Variants in DCAF7 observed in about 807,000 individuals in gnomAD.
DCAF7 encodes DDB1- and CUL4-associated factor 7.
DCAF7 carries 4 observed loss-of-function variants against 41.2 expected under a neutral mutation model. The observed-to-expected ratio is 0.10, with a 90% confidence interval of 0.05 to 0.22. The LOEUF is 0.22. Among genes scored for constraint, DCAF7 ranks in the 10% least tolerant of loss-of-function variants. The pLI is 1.00. For missense variants in DCAF7, 131 were observed against 443.2 expected (o/e 0.30, Z 6.32); for synonymous variants, 143 against 164.2 (o/e 0.87, Z 0.99).
intron 1 of DCAF7, among the ~76,000 whole-genome samples, chr17:63,570,461 GAAAA>G (rs984761593): frequency 2.7e-5 from 4 of 150,312 alleles, no homozygotes; most frequent in African/African-American, 7.3e-5. Flanking sequence ...CAAAAAAAAA[GAAAA>G]AAAAAGATAG....
intron 1 of DCAF7, among the ~76,000 whole-genome samples, chr17:63,559,154 A>G (rs1315425995): frequency 1.3e-5 from 2 of 151,250 alleles, no homozygotes; most frequent in African/African-American, 4.9e-5. Flanking sequence ...TACTAAAAAT[A>G]CGAAAAATTA....
rs2033245607 is a variant in DCAF7, at chr17:63,550,948, G to A, written c.138+133G>A. ...GGCCACGGAGCGGTTCCTCTGTCTG[G>A]CCCTGTGCTGAAGGTTTCGTACTCG... is the stretch of plus-strand genomic sequence containing the variant. On this transcript the variant is annotated intron_variant, in intron 1 of 6. Coordinates refer to ENST00000614556, the MANE Select transcript of DCAF7 (RefSeq NM_005828.5). The surrounding 1 kb of genome is among the most constrained non-coding windows in gnomAD (Gnocchi z 4.8). 6 of 1,381,676 alleles carry A rather than the reference G, an allele frequency of 4.3e-6. No homozygotes were observed. The highest frequency in any genetic ancestry group is 2.7e-5 in the Admixed American group (1 of 37,294). 85.6% of individuals were successfully genotyped at this position (1,381,676 alleles called of 1,614,324 possible). A position where few individuals can be genotyped will look rare whatever the true frequency, so the allele number is the denominator to read the frequency against.
chr17:63,587,039 T>C (rs2033684807), intron 6 of DCAF7, among the ~76,000 whole-genome samples: 1 of 152,216 alleles, frequency 6.6e-6, no homozygotes, highest in Non-Finnish European at 1.5e-5. Flanking sequence ...TTTGCACTGA[T>C]AGGATTCTGT....
chr17:63,582,551 C>G (rs924076799), intron 4 of DCAF7, among the ~76,000 whole-genome samples: 4 of 151,738 alleles, frequency 2.6e-5, no homozygotes, highest in Admixed American at 6.6e-5. Context: ...TCACTGTAAT[C>G]TCCGCCTCCC....
intron 1 of DCAF7, among the ~76,000 whole-genome samples, chr17:63,561,907 A>G (rs978749345): frequency 1.2e-4 from 18 of 151,118 alleles, no homozygotes; most frequent in Admixed American, 4.0e-4. Flanking sequence ...AAGCTCAGCT[A>G]TGTGCTAAGT....
Sources: allele counts gnomAD v4.1 joint callset (sites outside exome capture counted in the v4.1 genomes callset), GRCh38; gene constraint gnomAD v4.1.1; non-coding constraint Gnocchi (gnomAD v3.1); transcripts MANE v1.5; gene names NCBI Gene and HGNC (gene_info 2026-07-23, HGNC 2026-07-21).